Variants in ANO7 observed in about 807,000 individuals in gnomAD.
The protein encoded by ANO7 is anoctamin 7.
Under a neutral mutation model 115.8 loss-of-function variants are expected in ANO7, and 114 were observed. The observed-to-expected ratio is 0.98, with a 90% confidence interval of 0.85 to 1.15. The LOEUF (loss-of-function observed/expected upper bound fraction) is 1.15, where lower values mean the gene tolerates loss of function less well. ANO7 is among the 50% of genes most tolerant of loss of function. ANO7 has a pLI of 0.00. For synonymous variants in ANO7, 550 were observed against 498.2 expected, an observed-to-expected ratio of 1.10 and a Z score of -1.38; for missense variants, 1,302 against 1,201.2, an observed-to-expected ratio of 1.08 and a Z score of -1.24.
chr2:241,223,693 A>G lies in ANO7; in HGVS notation c.2444A>G (p.Asp815Gly), dbSNP rs1182796694. The G allele has an allele frequency of 1.2e-6, 2 of 1,613,794 alleles. No homozygotes were observed. Among genetic ancestry groups the G allele is most frequent in the South Asian group, 2.2e-5 (2 of 91,012 alleles). The change falls in exon 23 of 25, where the codon GAC becomes GGC. Residue 815 changes from aspartate to glycine, a missense_variant. Physicochemically the swap from Asp to Gly is moderately conservative, Grantham distance 94 (BLOSUM62 -1). Transcript: ENST00000674324. Reference protein sequence around the residue: ...HVVFSVGRLLDLLVPDIPESV... With the variant: ...HVVFSVGRLLGLLVPDIPESV... ...GTTTTCTCCGTTGGCCGCCTCCTGG[A>G]CCTCCTGGTGCCTGACATCCCAGAG...
At position 241,202,321 on chromosome 2, in the gene ANO7, G is replaced by A. The variant is rs1388501163; in HGVS notation, c.723+17G>A. On this transcript the variant is annotated intron_variant, in intron 8 of 24. Transcript: ENST00000674324. ...CTGCATGACGTGAGCTCGGGGGCTG[G>A]GGGCTCCAGCCTGGGTATGGGAGAT... The A allele has an allele frequency of 6.2e-7, 1 of 1,608,750 alleles. No homozygotes were observed. Among genetic ancestry groups the A allele is most frequent in the East Asian group, 2.2e-5 (1 of 44,870 alleles).
intron 4 of ANO7, among the ~76,000 whole-genome samples, chr2:241,198,733 A>G (rs1020066214): frequency 6.6e-6 from 1 of 152,246 alleles, no homozygotes; most frequent in African/African-American, 2.4e-5. Context: ...TTATGCACTC[A>G]GAGGAGGCAC....
intron 5 of ANO7, among the ~76,000 whole-genome samples, chr2:241,199,687 G>A (rs141941174): frequency 0.015 from 2,267 of 152,324 alleles, 31 homozygotes; most frequent in South Asian, 0.026. Flanking sequence ...CCAGACCCCC[G>A]CCAGGCCACC....
At chr2:241,202,409 C>T (rs1026576656) in intron 8 of ANO7, 105 bp downstream of exon 8, 19 of 963,058 alleles carry the variant, frequency 2.0e-5, no homozygotes, top group Middle Eastern at 3.0e-4. Flanking sequence ...GGTCAGCCGG[C>T]GTGGCCACCC....
Position 241,203,797 on chromosome 2 carries a change from C to T in ANO7, c.889+299C>T, listed in dbSNP as rs2068528394. Among the ~76,000 whole-genome samples, 1 of 152,044 alleles carries T rather than the reference C, an allele frequency of 6.6e-6. No homozygotes were observed. Among genetic ancestry groups the T allele is most frequent in the African/African-American group, 2.4e-5 (1 of 41,396 alleles). ...CCCGAATGTCACTGGCCCATGAGGC[C>T]CTGGGGCAACCCCAGGAACTTCCAT... On this transcript the variant is annotated intron_variant, in intron 9 of 24. Transcript: ENST00000674324. This position sits in a 1 kb window ranked among gnomAD's most constrained non-coding sequence, Gnocchi z 4.8.
chr2:241,235,338 G>A, the ANO7 span: 4 of 1,577,248 alleles, frequency 2.5e-6, no homozygotes, highest in South Asian at 2.3e-5. Context: ...CAGAAGTGGT[G>A]AGAGGGAAGG....
chr2:241,216,373 G>C, intron 19 of ANO7, 135 bp downstream of exon 19: 14 of 1,153,512 alleles, frequency 1.2e-5, no homozygotes, highest in Non-Finnish European at 1.1e-5. Flanking sequence ...GGTGGGGTGG[G>C]AACAGAGGGT....
rs1559449775 is a variant in ANO7, at chr2:241,209,597, C to CGA, written c.1322_1323insAG (p.Arg442AlafsTer9). The CGA allele has an allele frequency of 6.3e-7, 1 of 1,596,340 alleles. No individual in the cohort carries two copies. The highest frequency in any genetic ancestry group is 8.5e-7 in the Non-Finnish European group (1 of 1,171,706). ...CTACTTCCCTGAGAGGAGCCGCGCG[C>CGA]GCCGCATGCTGGCCGGCTCTGTGGT... On this transcript the variant is annotated frameshift_variant, in exon 13 of 25. Transcript: ENST00000674324. LOFTEE classifies it high-confidence loss of function.
intron 18 of ANO7, 72 bp from the exon 19 acceptor site, chr2:241,216,021 C>G: frequency 1.3e-6 from 2 of 1,520,100 alleles, no homozygotes; most frequent in Non-Finnish European, 1.8e-6. Flanking sequence ...GGCCACATCT[C>G]CCCCAAGGAC....
In ANO7 at chr2:241,224,252, C is replaced by T; in HGVS notation, c.*99C>T. On this transcript the variant is annotated 3_prime_UTR_variant, in exon 25 of 25. Transcript: ENST00000674324. ...TTCCCTCAGGCAGCGGCTGTGTGAA[C>T]CGCTGGCTGCTGTTGTGCCTCATCT... is the stretch of plus-strand genomic sequence containing the variant. 7.4e-7 allele frequency: 1 copy of T among 1,357,034 alleles called. No individual in the cohort carries two copies. The highest frequency in any genetic ancestry group is 1.0e-6 in the Non-Finnish European group (1 of 973,878). 84.1% of individuals were successfully genotyped at this position (1,357,034 alleles called of 1,614,324 possible).
At chr2:241,200,418 T>C (rs1574766929) in intron 6 of ANO7, among the ~76,000 whole-genome samples, 193 bp downstream of exon 6, 1 of 152,312 alleles carries the variant, frequency 6.6e-6, no homozygotes, top group East Asian at 1.9e-4. Flanking sequence ...GCTGGGGCGG[T>C]TGTGCTGCAG....
intron 17 of ANO7, 45 bp downstream of exon 17, chr2:241,212,671 T>A: frequency 6.4e-7 from 1 of 1,560,532 alleles, no homozygotes; most frequent in Non-Finnish European, 8.7e-7. Context: ...GCTGTGTGCT[T>A]CCTCTCACTT....
chr2:241,235,862 G>A, the ANO7 span, among the ~76,000 whole-genome samples: 1 of 152,170 alleles, frequency 6.6e-6, no homozygotes, highest in African/African-American at 2.4e-5. Flanking sequence ...GCCCACGTAG[G>A]AGGAGAGGCC....
intron 22 of ANO7, 58 bp from the exon 23 acceptor site, chr2:241,223,604 C>CTGG: frequency 6.3e-6 from 10 of 1,590,702 alleles, no homozygotes; most frequent in Non-Finnish European, 8.6e-6. Context: ...GCCTGCCTGG[C>CTGG]CCTGTGAAGG....
chr2:241,200,279 G>T (rs1176991358), intron 6 of ANO7, 54 bp downstream of exon 6: 20 of 1,577,242 alleles, frequency 1.3e-5, no homozygotes, highest in Non-Finnish European at 1.7e-5. Flanking sequence ...GTGGGAGTCG[G>T]TGAATGAGTG....
At chr2:241,230,637 C>T, downstream of ANO7, 2 of 850,214 alleles carry the variant, frequency 2.4e-6, no homozygotes, top group Non-Finnish European at 3.7e-6. This position sits in a 1 kb window ranked among gnomAD's most constrained non-coding sequence, Gnocchi z 5.0. Context: ...AGTTCCACTG[C>T]CAGCCCTGGG....
chr2:241,212,771 C>A (rs990319427), intron 17 of ANO7, 145 bp downstream of exon 17: 2 of 857,510 alleles, frequency 2.3e-6, no homozygotes, highest in African/African-American at 1.7e-5. Flanking sequence ...TGCAGCTGAC[C>A]ACTCAGGGCT....
At chr2:241,210,152 C>A in intron 13 of ANO7, 143 bp from the exon 14 acceptor site, 1 of 765,322 alleles carries the variant, frequency 1.3e-6, no homozygotes, top group East Asian at 2.7e-5. Flanking sequence ...GGAGCACAGC[C>A]GGGGCTGGAG....
At chr2:241,226,797 C>G (rs62186360), downstream of ANO7, among the ~76,000 whole-genome samples, 1 of 152,024 alleles carries the variant, frequency 6.6e-6, no homozygotes, top group Non-Finnish European at 1.5e-5. Context: ...GCAGCAGGAA[C>G]ACCTATTCCC....
Sources: allele counts gnomAD v4.1 joint callset (sites outside exome capture counted in the v4.1 genomes callset), GRCh38; gene constraint gnomAD v4.1.1; non-coding constraint Gnocchi (gnomAD v3.1); transcripts MANE v1.5; gene names NCBI Gene and HGNC (gene_info 2026-07-23, HGNC 2026-07-21).